The following PTPRC variants were observed in gnomAD, a reference collection of about 807,000 sequenced individuals.
The protein encoded by PTPRC is protein tyrosine phosphatase receptor type C, also known as receptor-type tyrosine-protein phosphatase C.
In PTPRC, 44 loss-of-function variants were observed where a neutral mutation model predicts 155.9. The observed-to-expected ratio is 0.28, with a 90% CI of 0.22 to 0.36. The LOEUF is 0.36. PTPRC is among the 10% of genes least tolerant of loss of function. The pLI, the probability that PTPRC is intolerant of heterozygous loss-of-function variation, is 1.00. For synonymous variants in PTPRC, 525 were observed against 533.1 expected (o/e 0.98, Z 0.21); for missense variants, 1,401 against 1,564.6 (o/e 0.90, Z 1.76).
At chr1:198,750,659 TTC>T (rs1268191354) in intron 29 of PTPRC, 33 bp downstream of exon 29, 1 of 1,608,268 alleles carries the variant, frequency 6.2e-7, no homozygotes, top group Non-Finnish European at 8.5e-7. Flanking sequence ...TTTTAAGCCT[TTC>T]TGTCATAAAA....
chr1:198,694,154 T>C (rs1666077785), intron 3 of PTPRC: 1 of 1,505,142 alleles, frequency 6.6e-7, no homozygotes. Flanking sequence ...AGTCCAAGAG[T>C]CCAAAAGCTG....
At chr1:198,748,447 T>C (rs1023419541) in intron 27 of PTPRC, among the ~76,000 whole-genome samples, 2 of 151,756 alleles carry the variant, frequency 1.3e-5, no homozygotes, top group Admixed American at 6.6e-5. Flanking sequence ...ATTTCAGAAA[T>C]GGGTTGTCAT....
intron 14 of PTPRC, 37 bp from the exon 15 acceptor site, chr1:198,722,379 C>T: frequency 8.6e-7 from 1 of 1,162,332 alleles, no homozygotes; most frequent in South Asian, 2.0e-5. Context: ...TTCACATTAG[C>T]AAACTAATTA....
chr1:198,680,033 C>T (rs1665218382), intron 2 of PTPRC: 5 of 532,808 alleles, frequency 9.4e-6, no homozygotes, highest in East Asian at 6.8e-5. Context: ...TTGCTGAGGT[C>T]CCTGGCATGG....
chr1:198,715,198 C>G (rs1350712533), intron 12 of PTPRC, among the ~76,000 whole-genome samples: 1 of 152,140 alleles, frequency 6.6e-6, no homozygotes, highest in Non-Finnish European at 1.5e-5. Context: ...TCTCGGCTCA[C>G]TGCAAGCTCC....
chr1:198,641,358 G>A (rs1042925663), intron 2 of PTPRC, among the ~76,000 whole-genome samples: 4 of 151,894 alleles, frequency 2.6e-5, no homozygotes, highest in Admixed American at 2.6e-4. Context: ...ATTTTAACGT[G>A]TTAAAATTAG....
chr1:198,668,421 TTAGA>T (rs1177574985), intron 2 of PTPRC, among the ~76,000 whole-genome samples: 7 of 151,144 alleles, frequency 4.6e-5, no homozygotes, highest in African/African-American at 1.5e-4. Context: ...AATACAGGAG[TTAGA>T]TAGATAAAGA....
intron 9 of PTPRC, among the ~76,000 whole-genome samples, chr1:198,707,926 A>G (rs1653081781): frequency 6.6e-6 from 1 of 152,212 alleles, no homozygotes; most frequent in Non-Finnish European, 1.5e-5. Flanking sequence ...CTACCAAAAT[A>G]TATGGTGCTA....
rs1407177381 is a variant in PTPRC, at chr1:198,702,295, T to C, written c.440-92T>C. 2.0e-6 allele frequency: 3 copies of C among 1,519,096 alleles called. No homozygotes were observed. The African/African-American group carries it at 4.1e-5, about 21-fold the overall frequency. The allele number at this position is 1,519,096 out of a possible 1,614,324, so 94.1% of individuals were successfully genotyped here. A position where few individuals can be genotyped will look rare whatever the true frequency, so the allele number is the denominator to read the frequency against. ...TGCTTGAAGATTTGTTTCTCTGCCT[T>C]ATCTTTAGTAATTGTGTTTATGTTG... On this transcript the variant is annotated intron_variant, in intron 5 of 32. Transcript: ENST00000442510.
intron 26 of PTPRC, among the ~76,000 whole-genome samples, chr1:198,744,582 A>G (rs1480223174): frequency 1.3e-5 from 2 of 151,878 alleles, no homozygotes; most frequent in Admixed American, 6.6e-5. Flanking sequence ...TCATTAGAAG[A>G]GTTTATGACT....
Position 198,732,404 on chromosome 1 carries a change from G to T in PTPRC, c.2065+14G>T. ...ACATTCTTCCTTGTGAGTATTTATTGAGTGCTGAATTCCCATATATTAGGC... is the reference window on the plus strand; with the variant it reads ...ACATTCTTCCTTGTGAGTATTTATTTAGTGCTGAATTCCCATATATTAGGC... On this transcript the variant is annotated intron_variant, in intron 19 of 32. Transcript: ENST00000442510. 1 of 1,605,686 alleles carries T rather than the reference G, an allele frequency of 6.2e-7. No homozygotes were observed. The highest frequency in any genetic ancestry group is 2.2e-5 in the East Asian group (1 of 44,738).
At chr1:198,728,921 C>T (rs1239688276) in intron 16 of PTPRC, among the ~76,000 whole-genome samples, 3 of 151,972 alleles carry the variant, frequency 2.0e-5, no homozygotes, top group Non-Finnish European at 4.4e-5. Context: ...CTCCTCTCTC[C>T]TCTCTGACTC....
intron 17 of PTPRC, among the ~76,000 whole-genome samples, chr1:198,729,907 G>T (rs1438893192): frequency 6.6e-6 from 1 of 152,090 alleles, no homozygotes; most frequent in Non-Finnish European, 1.5e-5. Context: ...GTGGAGGGAC[G>T]AGTGGATGGA....
intron 28 of PTPRC, 44 bp from the exon 29 acceptor site, chr1:198,750,448 C>A (rs896044041): frequency 1.7e-5 from 27 of 1,584,892 alleles, no homozygotes; most frequent in Non-Finnish European, 2.3e-5. Context: ...CTACTGAGCT[C>A]TCTTCTGTAG....
chr1:198,684,545 G>A (rs933139779), intron 2 of PTPRC, among the ~76,000 whole-genome samples: 10 of 151,674 alleles, frequency 6.6e-5, no homozygotes, highest in Admixed American at 3.3e-4. Context: ...TATATAATTT[G>A]AAAGTTTAAA....
chr1:198,725,229 C>T (rs1420267422), intron 15 of PTPRC, among the ~76,000 whole-genome samples: 1 of 152,106 alleles, frequency 6.6e-6, no homozygotes, highest in Admixed American at 6.5e-5. Context: ...TCATAAAACT[C>T]ATAAGTTGAC....
chr1:198,655,527 G>A (rs1329177503), intron 2 of PTPRC, among the ~76,000 whole-genome samples: 2 of 152,034 alleles, frequency 1.3e-5, no homozygotes, highest in African/African-American at 4.8e-5. Flanking sequence ...GGCATTTTGG[G>A]ACAAGTTTTG....
chr1:198,704,335 A>T (rs1666617940), intron 7 of PTPRC, 137 bp from the exon 8 acceptor site: 1 of 1,479,870 alleles, frequency 6.8e-7, no homozygotes, highest in East Asian at 2.5e-5. Context: ...GTACTAGGCA[A>T]ATCCTTCATA....
At chr1:198,717,752 T>G in intron 13 of PTPRC, among the ~76,000 whole-genome samples, 1 of 152,070 alleles carries the variant, frequency 6.6e-6, no homozygotes, top group East Asian at 1.9e-4. Context: ...CTTGGAGGTT[T>G]CCCAATCAAC....
Sources: gnomAD v4.1 joint callset for allele counts (sites outside exome capture counted in the v4.1 genomes callset) on GRCh38, gnomAD v4.1.1 for gene constraint, MANE v1.5 for transcripts, NCBI Gene and HGNC (gene_info 2026-07-23, HGNC 2026-07-21) for gene names.